The following AHCTF1 variants were observed in gnomAD, a reference collection of about 807,000 sequenced individuals.
AHCTF1 encodes protein ELYS.
AHCTF1 carries 24 observed loss-of-function variants against 248.4 expected under a neutral mutation model. The ratio of observed to expected loss-of-function variants is 0.10; its 90% CI spans 0.07 to 0.14. AHCTF1 has a LOEUF of 0.14. Among genes scored for constraint, AHCTF1 ranks in the 10% least tolerant of loss-of-function variants. AHCTF1 has a pLI of 1.00. For synonymous variants in AHCTF1, 786 were observed against 929.8 expected, an observed-to-expected ratio of 0.85 and a Z score of 2.81; for missense variants, 2,206 against 2,636.2, an observed-to-expected ratio of 0.84 and a Z score of 3.57.
intron 35 of AHCTF1, among the ~76,000 whole-genome samples, chr1:246,842,080 A>T (rs1659911315): frequency 6.6e-6 from 1 of 150,860 alleles, no homozygotes; most frequent in Non-Finnish European, 1.5e-5. Context: ...GGCGTGAGCC[A>T]CCACGCCCGA....
At chr1:246,854,682 T>G (rs552413228) in intron 31 of AHCTF1, among the ~76,000 whole-genome samples, 1 of 152,326 alleles carries the variant, frequency 6.6e-6, no homozygotes, top group East Asian at 1.9e-4. Flanking sequence ...GCAAGGGGCT[T>G]AATCCTGACA....
intron 4 of AHCTF1, among the ~76,000 whole-genome samples, chr1:246,911,479 CTTTTTTTTTTTT>C (rs35320501): frequency 1.0e-5 from 1 of 99,490 alleles, no homozygotes; most frequent in Non-Finnish European, 1.9e-5. Context: ...TATGAAGATT[CTTTTTTTTTTTT>C]TTTTTTTTTG....
chr1:246,898,418 T>C, intron 11 of AHCTF1, 82 bp from the exon 12 acceptor site: 2 of 1,406,560 alleles, frequency 1.4e-6, no homozygotes, highest in Non-Finnish European at 1.9e-6. Context: ...ACACTTAAAA[T>C]TTAAGTAAAA....
intron 8 of AHCTF1, among the ~76,000 whole-genome samples, chr1:246,901,369 G>C (rs1287762011): frequency 6.6e-6 from 1 of 152,068 alleles, no homozygotes; most frequent in Non-Finnish European, 1.5e-5. Flanking sequence ...AGGTGCGGTG[G>C]CTCACGCCTG....
intron 1 of AHCTF1, among the ~76,000 whole-genome samples, chr1:246,920,214 A>G (rs1252564602): frequency 6.6e-6 from 1 of 151,506 alleles, no homozygotes; most frequent in Non-Finnish European, 1.5e-5. Context: ...AAGGATATCC[A>G]ATAGCCAGCA....
At chr1:246,893,159 GACAA>G (rs540711845) in intron 14 of AHCTF1, among the ~76,000 whole-genome samples, 9 of 152,130 alleles carry the variant, frequency 5.9e-5, no homozygotes, top group South Asian at 2.1e-4. Context: ...CATGAGCTCT[GACAA>G]ACATTTTCCT....
At chr1:246,874,423 T>C (rs183542698) in intron 24 of AHCTF1, among the ~76,000 whole-genome samples, 133 of 152,278 alleles carry the variant, frequency 8.7e-4, no homozygotes, top group Non-Finnish European at 1.1e-3. Context: ...GCTAAACCTT[T>C]TGACTTATCT....
Position 246,850,901 on chromosome 1 carries a change from T to C in AHCTF1, c.5105A>G (p.Gln1702Arg), listed in dbSNP as rs753846197. 1 of 1,614,014 alleles carries C rather than the reference T, an allele frequency of 6.2e-7. No individual in the cohort carries two copies. Among genetic ancestry groups the C allele is most frequent in the Admixed American group, 1.7e-5 (1 of 60,016 alleles). ...SIHETIPLVS[Q>R]NIMCPTKLVK... Reference sequence around the variant, plus strand: ...CAATTTAGTGGGACACATTATGTTTTGGCTCACTAAAGGTATTGTTTCATG... The same window carrying C: ...CAATTTAGTGGGACACATTATGTTTCGGCTCACTAAAGGTATTGTTTCATG... Residue 1702 changes from glutamine (Q) to arginine (R), a missense_variant, in exon 33 of 36, where the codon CAA (glutamine) becomes CGA (arginine). Gln to Arg is a conservative substitution (Grantham distance 43). Around this residue, in one of 6 missense-constraint regions of AHCTF1, gnomAD observed 955 missense variants for 1,055.6 expected, o/e 0.90. Transcript: ENST00000648844.
At position 246,888,647 on chromosome 1, in the gene AHCTF1, G is replaced by T. The variant is rs1029418118; in HGVS notation, c.2145-130C>A. On this transcript the variant is annotated intron_variant, in intron 17 of 35. Coordinates refer to ENST00000648844, the MANE Select transcript of AHCTF1 (RefSeq NM_001323342.2). ...GAAGAGGCTGGGCATGGTGGCTTAT[G>T]TCTGTAATCCCAGTGATTTGGGAGG... 4 of 1,174,730 alleles carry T rather than the reference G, an allele frequency of 3.4e-6. No homozygotes were observed. The African/African-American group carries it at 6.2e-5, about 18-fold the overall frequency. The allele number at this position is 1,174,730 out of a possible 1,614,324, so 72.8% of individuals were successfully genotyped here. A position where few individuals can be genotyped will look rare whatever the true frequency, so the allele number is the denominator to read the frequency against.
chr1:246,855,660 T>C, intron 31 of AHCTF1, 70 bp downstream of exon 31: 2 of 1,233,390 alleles, frequency 1.6e-6, no homozygotes, highest in Non-Finnish European at 2.3e-6. Flanking sequence ...TATTTTGTTC[T>C]AAGAACAGAA....
chr1:246,846,022 A>G (rs936502845), intron 33 of AHCTF1, among the ~76,000 whole-genome samples: 8 of 151,068 alleles, frequency 5.3e-5, no homozygotes, highest in African/African-American at 2.0e-4. Context: ...AGTTTCCTCA[A>G]TGAGGACAGA....
At chr1:246,931,272 A>C (rs1055100038) in intron 1 of AHCTF1, 31 of 1,548,792 alleles carry the variant, frequency 2.0e-5, no homozygotes, top group Non-Finnish European at 2.7e-5. Flanking sequence ...GGCCGTCCGT[A>C]AAGGGACCCG....
intron 1 of AHCTF1, among the ~76,000 whole-genome samples, chr1:246,924,041 G>A (rs941668928): frequency 2.0e-5 from 3 of 152,144 alleles, no homozygotes; most frequent in African/African-American, 7.2e-5. Context: ...AGTCATTACC[G>A]TTTCTCAGCA....
At chr1:246,867,130 T>A in intron 26 of AHCTF1, 114 bp downstream of exon 26, 1 of 613,752 alleles carries the variant, frequency 1.6e-6, no homozygotes, top group Non-Finnish European at 2.7e-6. Flanking sequence ...AAGCAAACAT[T>A]AAAATATTCA....
At chr1:246,868,038 C>A (rs1266135968) in intron 24 of AHCTF1, among the ~76,000 whole-genome samples, 1 of 151,856 alleles carries the variant, frequency 6.6e-6, no homozygotes, top group Non-Finnish European at 1.5e-5. Flanking sequence ...TCTCGGCTCA[C>A]TGCACCCTCT....
In AHCTF1 at chr1:246,908,043, C is replaced by T. The variant is rs557117270; in HGVS notation, c.557-285G>A. On this transcript the variant is annotated intron_variant, in intron 4 of 35. Coordinates refer to ENST00000648844, the MANE Select transcript of AHCTF1 (RefSeq NM_001323342.2). ...ATAGAATTTTTTTAGGGTTAACAACCATAAATAAAACTGATTTATTTCTTT... is the reference window on the plus strand; with the variant it reads ...ATAGAATTTTTTTAGGGTTAACAACTATAAATAAAACTGATTTATTTCTTT... Among the ~76,000 whole-genome samples, 6 of 152,058 alleles carry T rather than the reference C, an allele frequency of 3.9e-5. No individual in the cohort carries two copies. In the East Asian group the frequency reaches 1.2e-3, roughly 29 times the overall value.
Position 246,855,802 on chromosome 1 carries a change from C to A in AHCTF1, c.4282G>T (p.Val1428Leu). The stretch of plus-strand genomic sequence containing the variant: ...GTTAATCCTTCGTCCAACACTGGTA[C>A]CTTGGACTTCTGGGTGAAGATTTTC... ...EGKIFTQKSKVPVLDEGLTSV... is the reference protein window; with the variant it reads ...EGKIFTQKSKLPVLDEGLTSV... Residue 1428 changes from valine to leucine, a missense_variant, in exon 31 of 36, where the codon GTA becomes TTA. Around this residue, in one of 6 missense-constraint regions of AHCTF1, gnomAD observed 955 missense variants for 1,055.6 expected, o/e 0.90. Coordinates refer to ENST00000648844, the MANE Select transcript of AHCTF1 (RefSeq NM_001323342.2). 9 of 1,612,866 alleles carry A rather than the reference C, an allele frequency of 5.6e-6. No homozygotes were observed. Among genetic ancestry groups the A allele is most frequent in the Non-Finnish European group, 7.6e-6 (9 of 1,179,452 alleles).
At chr1:246,931,061 C>T (rs755343472) in intron 1 of AHCTF1, 69 of 1,533,264 alleles carry the variant, frequency 4.5e-5, no homozygotes, top group Non-Finnish European at 5.6e-5. Context: ...TTGATCTGAC[C>T]AATCGGGTGA....
intron 26 of AHCTF1, among the ~76,000 whole-genome samples, chr1:246,865,768 T>A (rs1476507490): frequency 5.9e-5 from 9 of 151,472 alleles, no homozygotes; most frequent in Admixed American, 5.9e-4. Flanking sequence ...TTCTGAGAAA[T>A]CTTTTTAAGG....
Sources: allele counts gnomAD v4.1 joint callset (sites outside exome capture counted in the v4.1 genomes callset), GRCh38; gene constraint gnomAD v4.1.1; regional missense constraint gnomAD v4.1.1; transcripts MANE v1.5; gene names NCBI Gene and HGNC (gene_info 2026-07-23, HGNC 2026-07-21).